Variants in TET2 observed in about 807,000 individuals in gnomAD.
TET2 encodes the protein tet methylcytosine dioxygenase 2.
Under a neutral mutation model 142.9 loss-of-function variants are expected in TET2, and 299 were observed. The ratio of observed to expected loss-of-function variants is 2.09; its 90% confidence interval spans 1.90 to 2.30. The LOEUF (loss-of-function observed/expected upper bound fraction) is 2.30, where lower values mean the gene tolerates loss of function less well. TET2 is among the 30% of genes most tolerant of loss of function. The pLI is 0.00. For synonymous variants in TET2, 819 were observed against 849.0 expected, an observed-to-expected ratio of 0.96 and a Z score of 0.61; for missense variants, 2,418 against 2,378.0, an observed-to-expected ratio of 1.02 and a Z score of -0.35.
At chr4:105,152,755 CCTGGCTAATTTT>C (rs1359594093) in intron 1 of TET2, among the ~76,000 whole-genome samples, 1 of 151,922 alleles carries the variant, frequency 6.6e-6, no homozygotes, top group Non-Finnish European at 1.5e-5. Flanking sequence ...CCCCACCACA[CCTGGCTAATTTT>C]TCTATTTTTA....
intron 1 of TET2, 43 bp from the exon 2 acceptor site, chr4:105,190,317 C>T (rs533227429): frequency 3.2e-6 from 2 of 617,614 alleles, no homozygotes; most frequent in African/African-American, 1.8e-5. Flanking sequence ...ATACCCTGTT[C>T]CTTTTTGCTA....
Position 105,234,220 on chromosome 4 carries a change from G to A in TET2, c.278G>A (p.Gly93Glu). The A allele has an allele frequency of 6.2e-7, 1 of 1,614,106 alleles. No homozygotes were observed. The highest frequency in any genetic ancestry group is 8.5e-7 in the Non-Finnish European group (1 of 1,180,016). Residue 93 changes from glycine (G) to glutamate (E), a missense_variant, in exon 3 of 11, where the codon GGA (glycine) becomes GAA (glutamate). Transcript: ENST00000380013. ...RGYSKCLQNG[G>E]IKRTVSEPSL... Reference sequence around the variant, plus strand: ...TATTCCAAGTGTTTGCAAAATGGAGGAATAAAACGCACAGTTAGTGAACCT... The same window carrying A: ...TATTCCAAGTGTTTGCAAAATGGAGAAATAAAACGCACAGTTAGTGAACCT...
At chr4:105,252,262 A>G (rs1647168124) in intron 6 of TET2, among the ~76,000 whole-genome samples, 1 of 152,178 alleles carries the variant, frequency 6.6e-6, no homozygotes, top group Admixed American at 6.5e-5. Flanking sequence ...AATGTCATAT[A>G]GTTGGAATGA....
Position 105,276,091 on chromosome 4 carries a change from G to A in TET2, c.5581G>A (p.Gly1861Arg), listed in dbSNP as rs867133200. Reference sequence around the variant, plus strand: ...GAGCTTTCTGGATCCTGACATTGGGGGAGTGGCCGTGGCTCCAACTCATGG... The same window carrying A: ...GAGCTTTCTGGATCCTGACATTGGGAGAGTGGCCGTGGCTCCAACTCATGG... ...EQSFLDPDIG[G>R]VAVAPTHGSI... The change falls in exon 11 of 11, where the codon GGA becomes AGA. Residue 1861 changes from glycine (G) to arginine (R), a missense_variant. By Grantham distance (125) the Gly-to-Arg change is moderately radical. Coordinates refer to ENST00000380013, the MANE Select transcript of TET2 (RefSeq NM_001127208.3). The A allele has an allele frequency of 1.9e-6, 3 of 1,551,532 alleles. No individual in the cohort carries two copies. Among genetic ancestry groups the A allele is most frequent in the African/African-American group, 1.4e-5 (1 of 73,040 alleles).
intron 1 of TET2, among the ~76,000 whole-genome samples, chr4:105,172,846 A>T (rs1489455251): frequency 2.0e-5 from 3 of 152,222 alleles, no homozygotes. Flanking sequence ...AAAATCTTTC[A>T]GTGAGGAAAG....
intron 1 of TET2, among the ~76,000 whole-genome samples, chr4:105,156,829 C>T (rs777877193): frequency 1.3e-5 from 2 of 152,136 alleles, no homozygotes; most frequent in Non-Finnish European, 2.9e-5. Flanking sequence ...ACAATGAGAC[C>T]ACACCCAGAT....
rs1238092093 is a variant in TET2 at position 105,236,864 on chromosome 4, T to C, written c.2922T>C (p.His974=). The C allele has an allele frequency of 1.2e-6, 2 of 1,614,040 alleles. No homozygotes were observed. Among genetic ancestry groups the C allele is most frequent in the Non-Finnish European group, 1.7e-6 (2 of 1,179,994 alleles). Residue 974 remains histidine, a synonymous_variant, in exon 3 of 11, where the codon CAT becomes CAC. Transcript: ENST00000380013. The stretch of plus-strand genomic sequence containing the variant: ...AGCAACCCCAAACTGAGTCTTGCCA[T>C]AGTCAGATGCACAGGCCAATTAAGG... ...QTQQPQTESC[H]SQMHRPIKVE...
Position 105,235,789 on chromosome 4 carries a change from C to T in TET2, c.1847C>T (p.Pro616Leu), listed in dbSNP as rs777423547. The T allele has an allele frequency of 3.1e-6, 5 of 1,614,068 alleles. No individual in the cohort carries two copies. The highest frequency in any genetic ancestry group is 4.2e-6 in the Non-Finnish European group (5 of 1,180,012). ...TGNSNMPGGL[P>L]RQAYTQKTTQ... is the part of the protein sequence containing the mutation. ...AATTCCAACATGCCTGGGGGGCTCCCAAGGCAAGCTTACACCCAGAAAACA... is the reference window on the plus strand; with the variant it reads ...AATTCCAACATGCCTGGGGGGCTCCTAAGGCAAGCTTACACCCAGAAAACA... The change falls in exon 3 of 11, where the codon CCA (proline) becomes CTA (leucine). Residue 616 changes from proline to leucine, a missense_variant. Pro to Leu is a moderately conservative substitution (Grantham distance 98). Coordinates refer to ENST00000380013, the MANE Select transcript of TET2 (RefSeq NM_001127208.3).
chr4:105,189,437 T>A (rs953185072), intron 1 of TET2, among the ~76,000 whole-genome samples: 5 of 152,194 alleles, frequency 3.3e-5, no homozygotes, highest in African/African-American at 1.2e-4. Flanking sequence ...CTGTTTCAAA[T>A]CGGTCTTTCC....
intron 6 of TET2, among the ~76,000 whole-genome samples, chr4:105,251,912 T>C (rs570275145): frequency 1.3e-5 from 2 of 152,330 alleles, no homozygotes; most frequent in South Asian, 4.1e-4. Context: ...TAAAAGCACA[T>C]TGAATGAAAG....
At chr4:105,180,766 G>C (rs759138467) in intron 1 of TET2, among the ~76,000 whole-genome samples, 1 of 151,800 alleles carries the variant, frequency 6.6e-6, no homozygotes, top group Non-Finnish European at 1.5e-5. Context: ...CAGCCTGCCG[G>C]GTAGCTAGAA....
At chr4:105,205,638 A>C (rs7441095) in intron 2 of TET2, among the ~76,000 whole-genome samples, 9,381 of 151,752 alleles carry the variant, frequency 0.062, 374 homozygotes, top group Non-Finnish European at 0.09. Context: ...TGTCTTTTTT[A>C]TTTTTCTTTT....
rs780652622 is a variant in TET2 at position 105,235,661 on chromosome 4, C to A, written c.1719C>A (p.His573Gln). 1.9e-6 allele frequency: 3 copies of A among 1,614,014 alleles called. No individual in the cohort carries two copies. The African/African-American group carries it at 4.0e-5, about 22-fold the overall frequency. The change falls in exon 3 of 11, where the codon CAC (histidine) becomes CAA (glutamine). Residue 573 changes from histidine (H) to glutamine (Q), a missense_variant. Transcript: ENST00000380013. ...TTGAATTGAAGGCCCCTCGTTTTCA[C>A]CAAGCGGAATCCCATCTAAAACGTA... is the stretch of plus-strand genomic sequence containing the variant. ...GWIELKAPRF[H>Q]QAESHLKRNE...
chr4:105,195,075 A>G (rs1352878576), intron 2 of TET2, among the ~76,000 whole-genome samples: 1 of 152,180 alleles, frequency 6.6e-6, no homozygotes, highest in African/African-American at 2.4e-5. Flanking sequence ...CATTTAATGC[A>G]TATCCACATA....
At chr4:105,203,711 G>T (rs114901590) in intron 2 of TET2, among the ~76,000 whole-genome samples, 20 of 152,096 alleles carry the variant, frequency 1.3e-4, no homozygotes, top group Non-Finnish European at 2.6e-4. Flanking sequence ...GCTGCCATAC[G>T]GTAGGTAATA....
At chr4:105,242,782 T>C in intron 4 of TET2, 52 bp from the exon 5 acceptor site, 6 of 1,530,380 alleles carry the variant, frequency 3.9e-6, no homozygotes, top group Non-Finnish European at 5.3e-6. Context: ...TGATTGCCTC[T>C]TGAATTCATT....
Position 105,205,454 on chromosome 4 carries a change from A to C in TET2, c.-47+14949A>C, listed in dbSNP as rs144170679. ...GAACAGTAAGCAAATCATTTCTGAAAGTGTGTTCTTCTACTATTAAGTAAC... is the reference window on the plus strand; with the variant it reads ...GAACAGTAAGCAAATCATTTCTGAACGTGTGTTCTTCTACTATTAAGTAAC... On this transcript the variant is annotated intron_variant, in intron 2 of 10. Transcript: ENST00000380013. Among the ~76,000 whole-genome samples, 150 of 152,302 alleles carry C rather than the reference A, an allele frequency of 9.8e-4. 1 individual carries two copies. Among genetic ancestry groups the C allele is most frequent in the African/African-American group, 3.5e-3 (144 of 41,550 alleles).
At chr4:105,150,709 T>C (rs773666628) in intron 1 of TET2, among the ~76,000 whole-genome samples, 12 of 152,334 alleles carry the variant, frequency 7.9e-5, no homozygotes, top group African/African-American at 2.6e-4. Flanking sequence ...TTGCCAAATA[T>C]ACAGTATTTA....
chr4:105,208,373 G>T (rs756789273), intron 2 of TET2, among the ~76,000 whole-genome samples: 5 of 152,038 alleles, frequency 3.3e-5, no homozygotes, highest in African/African-American at 1.2e-4. Context: ...AACCCAAATG[G>T]CTAGCATTGA....
Sources: gnomAD v4.1 joint callset for allele counts (sites outside exome capture counted in the v4.1 genomes callset) on GRCh38, gnomAD v4.1.1 for gene constraint, MANE v1.5 for transcripts, NCBI Gene and HGNC (gene_info 2026-07-23, HGNC 2026-07-21) for gene names.